Variants in DOCK2 observed in about 807,000 individuals in gnomAD.
DOCK2 encodes the protein dedicator of cytokinesis protein 2.
A neutral mutation model predicts 248.9 loss-of-function variants in DOCK2; 87 were observed. That is an observed-to-expected ratio of 0.35 (90% confidence interval 0.29 to 0.42). The LOEUF (loss-of-function observed/expected upper bound fraction) is 0.42. DOCK2 is among the 10% of genes least tolerant of loss of function. The pLI is 1.00. For missense variants in DOCK2, 1,747 were observed against 2,300.2 expected (o/e 0.76, Z 4.92); for synonymous variants, 805 against 821.6 (o/e 0.98, Z 0.35).
chr5:170,007,927 C>T (rs149619120), intron 30 of DOCK2, among the ~76,000 whole-genome samples: 72 of 152,260 alleles, frequency 4.7e-4, no homozygotes, highest in African/African-American at 1.7e-3. Flanking sequence ...TAGCAAGTTC[C>T]CAGGTGCTGC....
chr5:169,777,572 G>A (rs776834722), intron 25 of DOCK2, among the ~76,000 whole-genome samples: 4 of 152,130 alleles, frequency 2.6e-5, no homozygotes, highest in Non-Finnish European at 5.9e-5. Context: ...TCCCATTTCT[G>A]GTGTAGGCAC....
At chr5:169,855,870 G>T (rs1770863000) in intron 27 of DOCK2, among the ~76,000 whole-genome samples, 1 of 152,184 alleles carries the variant, frequency 6.6e-6, no homozygotes, top group Non-Finnish European at 1.5e-5. Context: ...CCTGAGACTG[G>T]CTAATTTATA....
intron 25 of DOCK2, among the ~76,000 whole-genome samples, chr5:169,789,578 C>T (rs574471222): frequency 6.6e-6 from 1 of 152,330 alleles, no homozygotes; most frequent in African/African-American, 2.4e-5. Context: ...TTATTTCCTC[C>T]CATCTCATAC....
intron 10 of DOCK2, among the ~76,000 whole-genome samples, chr5:169,696,373 G>A (rs990790723): frequency 5.3e-5 from 8 of 152,182 alleles, no homozygotes; most frequent in Non-Finnish European, 1.0e-4. Flanking sequence ...GAGAATTGGC[G>A]TGACCTGAGG....
At chr5:169,791,330 G>A (rs945677184) in intron 25 of DOCK2, among the ~76,000 whole-genome samples, 2 of 152,158 alleles carry the variant, frequency 1.3e-5, no homozygotes, top group Non-Finnish European at 2.9e-5. Context: ...AAGCCCAACC[G>A]ACTATAGTTG....
chr5:169,816,010 G>A (rs1249351502), intron 26 of DOCK2, among the ~76,000 whole-genome samples: 4 of 152,164 alleles, frequency 2.6e-5, no homozygotes. Context: ...TTTCCAAAAA[G>A]CATTTCTTGC....
At chr5:169,916,091 A>G (rs1310455506) in intron 27 of DOCK2, among the ~76,000 whole-genome samples, 1 of 152,224 alleles carries the variant, frequency 6.6e-6, no homozygotes, top group East Asian at 1.9e-4. Context: ...ATTGCCAGGC[A>G]GTTAATGAGA....
chr5:169,703,170 T>C (rs1342494307), intron 14 of DOCK2, among the ~76,000 whole-genome samples: 1 of 152,154 alleles, frequency 6.6e-6, no homozygotes, highest in African/African-American at 2.4e-5. Flanking sequence ...AATTTTAGCA[T>C]GGGCGAATAT....
chr5:169,639,537 G>A (rs966217321), intron 1 of DOCK2, among the ~76,000 whole-genome samples: 1 of 152,202 alleles, frequency 6.6e-6, no homozygotes, highest in Admixed American at 6.5e-5. Context: ...CTGTATCCTT[G>A]GCATGTGACT....
chr5:169,963,332 T>G (rs572398108), intron 27 of DOCK2, among the ~76,000 whole-genome samples: 36 of 152,276 alleles, frequency 2.4e-4, no homozygotes, highest in South Asian at 1.0e-3. Flanking sequence ...CTGACTTGGC[T>G]GGCATTGACA....
At chr5:169,672,001 T>C (rs1307346281) in intron 5 of DOCK2, among the ~76,000 whole-genome samples, 1 of 152,154 alleles carries the variant, frequency 6.6e-6, no homozygotes, top group Non-Finnish European at 1.5e-5. Flanking sequence ...TGACCTTTTT[T>C]TTTTATTTAT....
chr5:169,958,321 C>T (rs1215649862), intron 27 of DOCK2, among the ~76,000 whole-genome samples: 3 of 152,160 alleles, frequency 2.0e-5, no homozygotes, highest in Admixed American at 6.5e-5. Flanking sequence ...TGCCTTCCTT[C>T]TCCATTCTAA....
intron 9 of DOCK2, among the ~76,000 whole-genome samples, chr5:169,689,883 C>G (rs957981417): frequency 1.3e-5 from 2 of 152,120 alleles, no homozygotes; most frequent in Non-Finnish European, 2.9e-5. Context: ...AAGACATGTA[C>G]GTAGAAATGT....
chr5:169,955,817 G>A (rs890613110), intron 27 of DOCK2, among the ~76,000 whole-genome samples: 1 of 152,174 alleles, frequency 6.6e-6, no homozygotes, highest in Non-Finnish European at 1.5e-5. Context: ...CTGCTACATA[G>A]CAGAGGCTCC....
intron 27 of DOCK2, among the ~76,000 whole-genome samples, chr5:169,967,429 A>C (rs774915130): frequency 5.0e-4 from 76 of 152,300 alleles, no homozygotes; most frequent in Non-Finnish European, 9.9e-4. Context: ...TCAGAATATG[A>C]TCTGGATGTG....
intron 26 of DOCK2, among the ~76,000 whole-genome samples, chr5:169,816,251 C>T (rs1360534531): frequency 1.3e-5 from 2 of 152,134 alleles, no homozygotes; most frequent in Admixed American, 1.3e-4. Flanking sequence ...TGTGGTGCCT[C>T]ACCTGCCATG....
chr5:169,872,585 C>T (rs1479142787), intron 27 of DOCK2, among the ~76,000 whole-genome samples: 1 of 152,174 alleles, frequency 6.6e-6, no homozygotes, highest in Non-Finnish European at 1.5e-5. Flanking sequence ...TGGGATCAAG[C>T]TGCAGAAATC....
At chr5:169,647,242 T>C (rs549243057) in intron 1 of DOCK2, among the ~76,000 whole-genome samples, 1 of 152,146 alleles carries the variant, frequency 6.6e-6, no homozygotes, top group African/African-American at 2.4e-5. Flanking sequence ...GCTCAGCGGC[T>C]GCTGATTGGA....
At chr5:169,901,407 G>C (rs991090500) in intron 27 of DOCK2, among the ~76,000 whole-genome samples, 3 of 152,250 alleles carry the variant, frequency 2.0e-5, no homozygotes, top group African/African-American at 4.8e-5. Flanking sequence ...GACTTCAAGA[G>C]GTTTACGAAG....
Sources: allele counts gnomAD v4.1 joint callset (sites outside exome capture counted in the v4.1 genomes callset), GRCh38; gene constraint gnomAD v4.1.1; transcripts MANE v1.5; gene names NCBI Gene and HGNC (gene_info 2026-07-23, HGNC 2026-07-21).